The following ZFHX3 variants were observed in gnomAD, a reference collection of about 807,000 sequenced individuals.
ZFHX3 encodes the protein zinc finger homeobox protein 3.
A neutral mutation model predicts 279.1 loss-of-function variants in ZFHX3; 42 were observed. The observed-to-expected ratio is 0.15, with a 90% CI of 0.12 to 0.19. The LOEUF is 0.19. ZFHX3 is among the 10% of genes least tolerant of loss of function. The pLI is 1.00. For synonymous variants in ZFHX3, 2,293 were observed against 1,957.8 expected (o/e 1.17, Z -4.52); for missense variants, 4,981 against 4,754.0 (o/e 1.05, Z -1.40).
intron 7 of ZFHX3, among the ~76,000 whole-genome samples, chr16:72,804,322 A>G (rs907362636): frequency 4.6e-5 from 7 of 152,248 alleles, no homozygotes; most frequent in African/African-American, 1.7e-4. Context: ...GCAGAGAGCC[A>G]GACAAAAGTT....
At chr16:73,528,380 T>C (rs2019731621) in intron 2 of ZFHX3, among the ~76,000 whole-genome samples, 1 of 152,232 alleles carries the variant, frequency 6.6e-6, no homozygotes, top group South Asian at 2.1e-4. Flanking sequence ...TATTCATTCA[T>C]CCATTTCTCC....
intron 3 of ZFHX3, among the ~76,000 whole-genome samples, chr16:73,418,810 T>C (rs2017653509): frequency 6.6e-6 from 1 of 152,244 alleles, no homozygotes; most frequent in Non-Finnish European, 1.5e-5. Context: ...AACATTTACA[T>C]TCCTTTGTAC....
intron 1 of ZFHX3, among the ~76,000 whole-genome samples, chr16:73,702,623 T>C (rs2053260019): frequency 6.6e-6 from 1 of 152,094 alleles, no homozygotes; most frequent in Non-Finnish European, 1.5e-5. Flanking sequence ...AGGTGAAAAG[T>C]CTGTGGGATT....
intron 2 of ZFHX3, among the ~76,000 whole-genome samples, chr16:73,545,728 T>C (rs1476006555): frequency 2.0e-5 from 3 of 152,002 alleles, no homozygotes; most frequent in Admixed American, 6.6e-5. Flanking sequence ...TACTTATTTA[T>C]TTTGTGCTGC....
rs938223342 is a variant in ZFHX3 at position 73,403,943 on chromosome 16, A to AT, written c.-1291+52059dup. Among the ~76,000 whole-genome samples, 751 of 150,194 alleles carry AT rather than the reference A, an allele frequency of 5.0e-3. 3 individuals carry two copies. The highest frequency in any genetic ancestry group is 0.016 in the African/African-American group (637 of 40,870). On this transcript the variant is annotated intron_variant, in intron 3 of 17. Coordinates refer to the ZFHX3 transcript ENST00000641206. ...GGATGCTCTGTCTTTGGATCTTGGG[A>AT]TTTTTTTTTTCCAGGCGAAAATGGA...
chr16:73,820,772 G>A (rs1265021570), intron 1 of ZFHX3, among the ~76,000 whole-genome samples: 2 of 151,898 alleles, frequency 1.3e-5, no homozygotes, highest in African/African-American at 2.4e-5. Context: ...CAACCACACT[G>A]ATATTTCTAT....
chr16:73,334,951 G>A (rs4011590), intron 3 of ZFHX3, among the ~76,000 whole-genome samples: 20,387 of 149,560 alleles, frequency 0.14, 2,999 homozygotes, highest in East Asian at 0.36. Flanking sequence ...GGGGAAAAAT[G>A]TCCTCAAAAC....
In ZFHX3 at chr16:73,507,480, T is replaced by C. The variant is rs1042326988; in HGVS notation, c.-1546-51222A>G. On this transcript the variant is annotated intron_variant, in intron 2 of 17. Coordinates refer to the ZFHX3 transcript ENST00000641206. ...CCAGAAAATGCGTGAAATTCAGCTC[T>C]GCCACTTTTTTTTTTTTTTTTTTTT... 3.5e-5 allele frequency among the ~76,000 whole-genome samples: 5 copies of C among 143,666 alleles called. No homozygotes were observed. In the Admixed American group the frequency reaches 3.6e-4, roughly 10 times the overall value. The allele number at this position is 143,666 out of a possible 152,430, so 94.3% of individuals were successfully genotyped here.
At chr16:73,223,495 AG>A (rs2012490963) in intron 5 of ZFHX3, among the ~76,000 whole-genome samples, 1 of 152,198 alleles carries the variant, frequency 6.6e-6, no homozygotes, top group Non-Finnish European at 1.5e-5. Context: ...TCATCAAGAA[AG>A]TGCAAATTAC....
At chr16:73,046,900 T>TG (rs1965321049) in intron 1 of ZFHX3, among the ~76,000 whole-genome samples, 3 of 100,262 alleles carry the variant, frequency 3.0e-5, no homozygotes, top group Non-Finnish European at 6.3e-5. Flanking sequence ...ACACAGAGGG[T>TG]GGGGGGAGGG....
At chr16:73,187,161 C>G (rs1967930520) in intron 5 of ZFHX3, among the ~76,000 whole-genome samples, 1 of 151,940 alleles carries the variant, frequency 6.6e-6, no homozygotes, top group Non-Finnish European at 1.5e-5. Context: ...CACACACACA[C>G]ACACACACAC....
intron 1 of ZFHX3, among the ~76,000 whole-genome samples, chr16:73,000,522 T>C (rs1963453444): frequency 1.3e-5 from 2 of 152,204 alleles, no homozygotes; most frequent in African/African-American, 4.8e-5. Context: ...GCAGGCCTCC[T>C]CCTTGACTTC....
At chr16:73,547,070 G>A (rs1416665327) in intron 2 of ZFHX3, among the ~76,000 whole-genome samples, 1 of 151,914 alleles carries the variant, frequency 6.6e-6, no homozygotes, top group Non-Finnish European at 1.5e-5. Context: ...ACATTGAAAT[G>A]ATAGAAAAAC....
chr16:72,925,536 G>C (rs1235071774), intron 3 of ZFHX3, among the ~76,000 whole-genome samples: 1 of 152,244 alleles, frequency 6.6e-6, no homozygotes, highest in Admixed American at 6.5e-5. Context: ...TCAAGGACAG[G>C]TGATCCTGAT....
intron 4 of ZFHX3, among the ~76,000 whole-genome samples, chr16:73,265,291 G>C (rs994593346): frequency 6.6e-6 from 1 of 152,142 alleles, no homozygotes; most frequent in Non-Finnish European, 1.5e-5. Flanking sequence ...AAATCCTGGG[G>C]CGGAGCAGCA....
At chr16:73,643,341 G>A (rs1372115814) in intron 2 of ZFHX3, among the ~76,000 whole-genome samples, 1 of 152,156 alleles carries the variant, frequency 6.6e-6, no homozygotes, top group African/African-American at 2.4e-5. Flanking sequence ...ATATTTTTAA[G>A]GGTGATGATT....
chr16:73,559,298 T>C (rs1035174335), intron 2 of ZFHX3, among the ~76,000 whole-genome samples: 1 of 152,134 alleles, frequency 6.6e-6, no homozygotes, highest in Non-Finnish European at 1.5e-5. Flanking sequence ...TCTTCCTGCC[T>C]CGGCCTCCCA....
chr16:73,292,814 T>A lies in ZFHX3; in HGVS notation c.-1194+25426A>T, dbSNP rs115968358. Reference sequence around the variant, plus strand: ...CAGGTAGGCTTGATTCCAAGACACATCAGTCATCTTTGTTCTGTTCATGGA... The same window carrying A: ...CAGGTAGGCTTGATTCCAAGACACAACAGTCATCTTTGTTCTGTTCATGGA... On this transcript the variant is annotated intron_variant, in intron 4 of 17. Transcript: ENST00000641206. Among the ~76,000 whole-genome samples the A allele has an allele frequency of 5.1e-3, 781 of 152,244 alleles. 9 individuals carry two copies. The highest frequency in any genetic ancestry group is 0.018 in the African/African-American group (743 of 41,532).
intron 1 of ZFHX3, among the ~76,000 whole-genome samples, chr16:73,018,699 A>G (rs896551063): frequency 6.6e-5 from 10 of 152,140 alleles, no homozygotes; most frequent in African/African-American, 2.4e-4. Context: ...GTGTGTTATC[A>G]TACTCTCTTC....
Sources: allele counts gnomAD v4.1 joint callset (sites outside exome capture counted in the v4.1 genomes callset), GRCh38; gene constraint gnomAD v4.1.1; transcripts MANE v1.5; gene names NCBI Gene and HGNC (gene_info 2026-07-23, HGNC 2026-07-21).